The following SHPRH variants were observed in gnomAD, a reference collection of about 807,000 sequenced individuals.
SHPRH encodes SNF2 histone linker PHD RING helicase.
In SHPRH, 106 loss-of-function variants were observed where a neutral mutation model predicts 202.5. That is an observed-to-expected ratio of 0.52 (90% CI 0.45 to 0.62). The LOEUF (loss-of-function observed/expected upper bound fraction) is 0.62. Among genes scored for constraint, SHPRH ranks in the 20% least tolerant of loss-of-function variants. SHPRH has a pLI of 0.00. For missense variants in SHPRH, 1,710 were observed against 2,020.0 expected (o/e 0.85, Z 2.94); for synonymous variants, 729 against 686.0 (o/e 1.06, Z -0.98).
chr6:145,925,697 C>G (rs1333938334), intron 16 of SHPRH, among the ~76,000 whole-genome samples: 1 of 151,874 alleles, frequency 6.6e-6, no homozygotes, highest in African/African-American at 2.4e-5. Context: ...AAGCTATTAA[C>G]AATTTATAGT....
chr6:145,903,309 A>G (rs1366243461), intron 25 of SHPRH: 2 of 151,802 alleles, frequency 1.3e-5, no homozygotes, highest in African/African-American at 4.8e-5. Flanking sequence ...GATGTCACAA[A>G]TGATCTTTAA....
downstream of SHPRH, among the ~76,000 whole-genome samples, chr6:145,863,244 CT>C (rs1031219927): frequency 6.6e-6 from 1 of 152,162 alleles, no homozygotes; most frequent in Non-Finnish European, 1.5e-5. Flanking sequence ...CTAGATGATA[CT>C]TGTGGTGAGA....
chr6:145,874,207 T>TAAA (rs993130443), intron 2 of SHPRH, among the ~76,000 whole-genome samples: 2 of 128,636 alleles, frequency 1.6e-5, no homozygotes, highest in African/African-American at 8.2e-5. Flanking sequence ...TCAAAAATAA[T>TAAA]AAAATAATAA....
At position 145,873,504 on chromosome 6, in the gene SHPRH, T is replaced by G. The variant is rs1225652558; in HGVS notation, c.222-9013A>C. Among the ~76,000 whole-genome samples the G allele has an allele frequency of 1.3e-5, 2 of 152,160 alleles. 1 individual carries two copies. The highest frequency in any genetic ancestry group is 2.9e-5 in the Non-Finnish European group (2 of 68,020). ...AGTTACAGGAGAAGACTTTACTGGT[T>G]ATGACCTTATACTGCTTTAATGGTC... On this transcript the variant is annotated intron_variant, in intron 2 of 2. Coordinates refer to the SHPRH transcript ENST00000417762.
At chr6:145,948,108 C>T (rs1306218627) in intron 5 of SHPRH, among the ~76,000 whole-genome samples, 164 bp downstream of exon 5, 1 of 151,962 alleles carries the variant, frequency 6.6e-6, no homozygotes, top group East Asian at 1.9e-4. Context: ...ATGACAAGTG[C>T]TATTAATTCT....
At chr6:145,867,248 A>G (rs1779818554) in intron 2 of SHPRH, among the ~76,000 whole-genome samples, 1 of 152,100 alleles carries the variant, frequency 6.6e-6, no homozygotes, top group Non-Finnish European at 1.5e-5. Context: ...CAAGGTTCAC[A>G]GGAAGGCAAC....
chr6:145,953,615 A>G (rs576832685), intron 2 of SHPRH, among the ~76,000 whole-genome samples: 19 of 152,146 alleles, frequency 1.2e-4, no homozygotes, highest in Non-Finnish European at 1.6e-4. Context: ...TGCAAGAAAT[A>G]TATGAGACAG....
chr6:145,924,228 CTAAA>C (rs1056760574), intron 17 of SHPRH, among the ~76,000 whole-genome samples: 5 of 151,784 alleles, frequency 3.3e-5, no homozygotes, highest in Admixed American at 6.6e-5. Flanking sequence ...TCCCAGAATA[CTAAA>C]TAATGAATGA....
At chr6:145,926,114 T>C in intron 16 of SHPRH, 90 bp downstream of exon 16, 2 of 1,100,798 alleles carry the variant, frequency 1.8e-6, no homozygotes, top group Non-Finnish European at 2.7e-6. Context: ...CATTTATTTG[T>C]ATGTTGTATG....
intron 24 of SHPRH, among the ~76,000 whole-genome samples, chr6:145,911,405 G>A (rs757740822): frequency 5.7e-4 from 86 of 152,190 alleles, no homozygotes; most frequent in Non-Finnish European, 8.8e-4. Flanking sequence ...TTACAGGTGT[G>A]AGCCACCGCG....
intron 21 of SHPRH, among the ~76,000 whole-genome samples, chr6:145,919,735 A>G (rs1469502397): frequency 6.6e-6 from 1 of 152,152 alleles, no homozygotes; most frequent in Non-Finnish European, 1.5e-5. Flanking sequence ...AAGACCAAAA[A>G]TCTTTATAAA....
At chr6:145,927,855 A>G (rs561060196) in intron 14 of SHPRH, among the ~76,000 whole-genome samples, 1 of 152,070 alleles carries the variant, frequency 6.6e-6, no homozygotes, top group Admixed American at 6.6e-5. Flanking sequence ...CTGGTCACAC[A>G]AATCATGGTC....
intron 2 of SHPRH, among the ~76,000 whole-genome samples, chr6:145,867,280 C>A (rs1779819522): frequency 6.6e-6 from 1 of 151,976 alleles, no homozygotes; most frequent in African/African-American, 2.4e-5. Context: ...AGATGAGTAT[C>A]CAAATTCATC....
intron 23 of SHPRH, among the ~76,000 whole-genome samples, chr6:145,914,168 G>A (rs184813720): frequency 2.0e-3 from 298 of 152,214 alleles, no homozygotes; most frequent in African/African-American, 6.8e-3. Flanking sequence ...TGAGTTGGCT[G>A]GGGTTGGATG....
rs189902462 is a variant in SHPRH, at chr6:145,952,704, A to G, written c.634-226T>C. ...GTACAATTCGAGTTGCTGGAAAAAA[A>G]TATTCCCCTAACTGAAATCGAACCT... On this transcript the variant is annotated intron_variant, in intron 2 of 29. Coordinates refer to ENST00000275233, the MANE Select transcript of SHPRH (RefSeq NM_001042683.3). Among the ~76,000 whole-genome samples the G allele has an allele frequency of 1.9e-3, 290 of 152,176 alleles. 4 individuals carry two copies. The highest frequency in any genetic ancestry group is 4.1e-4 in the Non-Finnish European group (28 of 67,982).
intron 25 of SHPRH, chr6:145,904,574 A>T (rs1299534957): frequency 6.6e-6 from 1 of 152,390 alleles, no homozygotes; most frequent in Non-Finnish European, 1.5e-5. Flanking sequence ...AGCAGGCCAG[A>T]AATGTGACAG....
intron 20 of SHPRH, among the ~76,000 whole-genome samples, 166 bp from the exon 21 acceptor site, chr6:145,921,558 T>A (rs2128749432): frequency 6.6e-6 from 1 of 151,788 alleles, no homozygotes; most frequent in South Asian, 2.1e-4. Context: ...TTTTTTAAAT[T>A]CTATTATATC....
chr6:145,919,316 G>T, intron 22 of SHPRH, 32 bp downstream of exon 22: 2 of 1,610,630 alleles, frequency 1.2e-6, no homozygotes, highest in African/African-American at 1.3e-5. Context: ...TCTGCTTGCT[G>T]TTCCCTTTTC....
intron 2 of SHPRH, among the ~76,000 whole-genome samples, chr6:145,868,600 AAGAC>A (rs1208460165): frequency 6.6e-6 from 1 of 152,218 alleles, no homozygotes; most frequent in Non-Finnish European, 1.5e-5. Context: ...ACGACACAGG[AAGAC>A]AGTCAATGAA....
Sources: allele counts gnomAD v4.1 joint callset (sites outside exome capture counted in the v4.1 genomes callset), GRCh38; gene constraint gnomAD v4.1.1; transcripts MANE v1.5; gene names NCBI Gene and HGNC (gene_info 2026-07-23, HGNC 2026-07-21).